Variants in GTF2A1 observed in about 807,000 individuals in gnomAD.
The protein encoded by GTF2A1 is general transcription factor IIA subunit 1.
Under a neutral mutation model 54.1 loss-of-function variants are expected in GTF2A1, and 12 were observed. The observed-to-expected ratio is 0.22, with a 90% CI of 0.14 to 0.36. The LOEUF is 0.36. Among genes scored for constraint, GTF2A1 ranks in the 10% least tolerant of loss-of-function variants. The pLI, the probability that GTF2A1 is intolerant of heterozygous loss-of-function variation, is 1.00. For synonymous variants in GTF2A1, 145 were observed against 152.0 expected (o/e 0.95, Z 0.34); for missense variants, 335 against 442.2 (o/e 0.76, Z 2.17).
rs1892553589 is a variant in GTF2A1 at position 81,177,500 on chromosome 14, T to A, written c.*2723A>T. On this transcript the variant is annotated 3_prime_UTR_variant, in exon 9 of 9. Coordinates refer to ENST00000553612, the MANE Select transcript of GTF2A1 (RefSeq NM_015859.4). ...AAGGCACACATTTCCATGTTTTATC[T>A]TGTAATTTTGTGTAAATTTTCCTTA... The A allele has an allele frequency of 6.6e-6, 1 of 152,188 alleles. No homozygotes were observed. The highest frequency in any genetic ancestry group is 1.5e-5 in the Non-Finnish European group (1 of 67,976). The allele number at this position is 152,188 out of a possible 1,614,324, so 9.4% of individuals were successfully genotyped here.
At chr14:81,200,378 C>T (rs966904287) in intron 4 of GTF2A1, among the ~76,000 whole-genome samples, 4 of 152,072 alleles carry the variant, frequency 2.6e-5, no homozygotes, top group African/African-American at 9.7e-5. Context: ...AATCCTAACA[C>T]TTCAGGAGGC....
At position 81,220,589 on chromosome 14, in the gene GTF2A1, A is replaced by G; in HGVS notation, c.-71T>C. ...GATAAAAACAAAACCAAAAAAAAAA[A>G]AACTATAACACCCGGAGGGTGACCC... On this transcript the variant is annotated 5_prime_UTR_variant, in exon 1 of 9. Transcript: ENST00000553612. The G allele has an allele frequency of 2.4e-6, 3 of 1,261,722 alleles. No individual in the cohort carries two copies. Among genetic ancestry groups the G allele is most frequent in the South Asian group, 1.4e-5 (1 of 71,514 alleles). 78.2% of individuals were successfully genotyped at this position (1,261,722 alleles called of 1,614,324 possible).
At position 81,191,573 on chromosome 14, in the gene GTF2A1, G is replaced by A. The variant is rs370624809; in HGVS notation, c.933+946C>T. On this transcript the variant is annotated intron_variant, in intron 7 of 8. Transcript: ENST00000553612. ...AAGAATACGTAATTACTTCATTTAC[G>A]TTGTAAACATGCAAAACTAAACAAT... Among the ~76,000 whole-genome samples the A allele has an allele frequency of 1.2e-4, 18 of 152,188 alleles. No homozygotes were observed. In the South Asian group the frequency reaches 3.3e-3, roughly 28 times the overall value.
At chr14:81,191,009 T>C (rs778886292) in intron 7 of GTF2A1, among the ~76,000 whole-genome samples, 3 of 152,130 alleles carry the variant, frequency 2.0e-5, no homozygotes, top group African/African-American at 4.8e-5. Context: ...ACTGAAACTA[T>C]GAAGAATTTA....
chr14:81,203,605 T>G (rs1446747577), intron 3 of GTF2A1, among the ~76,000 whole-genome samples: 1 of 152,168 alleles, frequency 6.6e-6, no homozygotes, highest in Non-Finnish European at 1.5e-5. Context: ...CAAAACAAAA[T>G]ATTAATATAA....
intron 6 of GTF2A1, among the ~76,000 whole-genome samples, chr14:81,194,496 A>G (rs1272241065): frequency 6.6e-6 from 1 of 152,220 alleles, no homozygotes; most frequent in Non-Finnish European, 1.5e-5. Flanking sequence ...ATAATTTTGG[A>G]AAGATGTAAA....
intron 7 of GTF2A1, among the ~76,000 whole-genome samples, chr14:81,187,249 G>A (rs1012782684): frequency 2.6e-5 from 4 of 151,852 alleles, no homozygotes. Flanking sequence ...CAGCTACTCG[G>A]GAGGCTGAGG....
intron 8 of GTF2A1, among the ~76,000 whole-genome samples, chr14:81,180,622 T>G (rs1892620520): frequency 6.6e-6 from 1 of 152,052 alleles, no homozygotes; most frequent in South Asian, 2.1e-4. Flanking sequence ...CTTAATAAAG[T>G]TTAATTTCAC....
At chr14:81,181,449 C>A (rs1354845103) in intron 8 of GTF2A1, among the ~76,000 whole-genome samples, 1 of 152,110 alleles carries the variant, frequency 6.6e-6, no homozygotes, top group Non-Finnish European at 1.5e-5. Flanking sequence ...TACTAAGTGA[C>A]AATCATGATT....
chr14:81,191,453 A>C (rs1892874920), intron 7 of GTF2A1, among the ~76,000 whole-genome samples: 1 of 152,232 alleles, frequency 6.6e-6, no homozygotes, highest in Non-Finnish European at 1.5e-5. Context: ...AAATAAAATT[A>C]TGGTATATTC....
At position 81,192,549 on chromosome 14, in the gene GTF2A1, T is replaced by C. The variant is rs1339831902; in HGVS notation, c.903A>G (p.Lys301=). The part of the protein sequence containing the change: ...YDDDEEEDKE[K]DGAEDGQVEE... ...CCACCTGCCCATCTTCAGCTCCATC[T>C]TTCTCTTTGTCTTCCTCCTCATCAT... The change falls in exon 7 of 9, where the codon AAA becomes AAG. Residue 301 remains lysine (K), a synonymous_variant. Transcript: ENST00000553612. 48 of 1,612,178 alleles carry C rather than the reference T, an allele frequency of 3.0e-5. No individual in the cohort carries two copies. Among genetic ancestry groups the C allele is most frequent in the Admixed American group, 2.0e-4 (12 of 59,772 alleles).
intron 7 of GTF2A1, among the ~76,000 whole-genome samples, chr14:81,189,200 C>T (rs1892817683): frequency 6.6e-6 from 1 of 152,084 alleles, no homozygotes; most frequent in African/African-American, 2.4e-5. Flanking sequence ...CTAGCAATAA[C>T]TTAAGACATT....
intron 4 of GTF2A1, among the ~76,000 whole-genome samples, chr14:81,199,670 G>C (rs551281945): frequency 6.6e-6 from 1 of 152,210 alleles, no homozygotes; most frequent in African/African-American, 2.4e-5. Flanking sequence ...ATACAGAAAT[G>C]TTAAATCAAT....
intron 4 of GTF2A1, among the ~76,000 whole-genome samples, chr14:81,198,808 G>C (rs2140159112): frequency 6.6e-6 from 1 of 152,290 alleles, no homozygotes; most frequent in Admixed American, 6.5e-5. Flanking sequence ...TGTCAGAGAA[G>C]TCAACAAACT....
In GTF2A1 at chr14:81,176,928, T is replaced by C. The variant is rs944912281; in HGVS notation, c.*3295A>G. On this transcript the variant is annotated 3_prime_UTR_variant, in exon 9 of 9. Coordinates refer to ENST00000553612, the MANE Select transcript of GTF2A1 (RefSeq NM_015859.4). Reference sequence around the variant, plus strand: ...ATAAAGAGAACTCCCAAGAGGAAATTATGTCTGTTTTCCTATACAAGGGGT... The same window carrying C: ...ATAAAGAGAACTCCCAAGAGGAAATCATGTCTGTTTTCCTATACAAGGGGT... The C allele has an allele frequency of 3.9e-5, 6 of 152,052 alleles. No homozygotes were observed. The highest frequency in any genetic ancestry group is 1.4e-4 in the African/African-American group (6 of 41,420). The allele number at this position is 152,052 out of a possible 1,614,324, so 9.4% of individuals were successfully genotyped here.
intron 2 of GTF2A1, among the ~76,000 whole-genome samples, chr14:81,210,556 T>C (rs1006873428): frequency 2.0e-5 from 3 of 152,132 alleles, no homozygotes; most frequent in Non-Finnish European, 4.4e-5. Context: ...CATACGTTTT[T>C]GTTTTTGTTT....
chr14:81,206,517 C>T (rs189772885), intron 2 of GTF2A1, among the ~76,000 whole-genome samples: 97 of 152,304 alleles, frequency 6.4e-4, no homozygotes, highest in Admixed American at 3.4e-3. Context: ...GACATTCCAG[C>T]GGACACTTGC....
intron 6 of GTF2A1, among the ~76,000 whole-genome samples, chr14:81,193,131 GA>G (rs1223537186): frequency 6.6e-6 from 1 of 151,014 alleles, no homozygotes; most frequent in Non-Finnish European, 1.5e-5. Context: ...TTCACATGAA[GA>G]ACACTGGACT....
chr14:81,187,468 C>T (rs1892775880), intron 7 of GTF2A1, among the ~76,000 whole-genome samples: 1 of 152,060 alleles, frequency 6.6e-6, no homozygotes, highest in South Asian at 2.1e-4. Context: ...ATATAACACT[C>T]ACCACTACCT....
Sources: gnomAD v4.1 joint callset for allele counts (sites outside exome capture counted in the v4.1 genomes callset) on GRCh38, gnomAD v4.1.1 for gene constraint, MANE v1.5 for transcripts, NCBI Gene and HGNC (gene_info 2026-07-23, HGNC 2026-07-21) for gene names.